The following MCU variants were observed in gnomAD, a reference collection of about 807,000 sequenced individuals.
MCU encodes mitochondrial calcium uniporter.
A neutral mutation model predicts 45.2 loss-of-function variants in MCU; 12 were observed. The observed-to-expected ratio is 0.27, with a 90% CI of 0.17 to 0.43. The LOEUF is 0.43. Among genes scored for constraint, MCU ranks in the 20% least tolerant of loss-of-function variants. The pLI is 1.00. For synonymous variants in MCU, 160 were observed against 165.1 expected, an observed-to-expected ratio of 0.97 and a Z score of 0.24; for missense variants, 324 against 436.7, an observed-to-expected ratio of 0.74 and a Z score of 2.30.
intron 1 of MCU, among the ~76,000 whole-genome samples, chr10:72,803,272 T>A (rs1844370139): frequency 6.6e-6 from 1 of 151,812 alleles, no homozygotes; most frequent in South Asian, 2.1e-4. Context: ...TCTCCTTGAA[T>A]TTTTCTTGTA....
At chr10:72,844,253 G>C (rs1247697534) in intron 2 of MCU, among the ~76,000 whole-genome samples, 2 of 152,162 alleles carry the variant, frequency 1.3e-5, no homozygotes, top group Non-Finnish European at 2.9e-5. Context: ...TGGGTGTGGT[G>C]GTGGGCACCT....
intron 1 of MCU, chr10:72,760,701 A>ATTTTTTT (rs995677860): frequency 8.1e-6 from 1 of 123,740 alleles, no homozygotes; most frequent in Non-Finnish European, 1.7e-5. Context: ...GGTTACTTAA[A>ATTTTTTT]TTTTTTTTTT....
intron 1 of MCU, chr10:72,693,214 CAG>C (rs1842647678): frequency 1.8e-5 from 15 of 842,124 alleles, no homozygotes; most frequent in East Asian, 5.4e-5. Flanking sequence ...GAGAGAGAGA[CAG>C]AGTGTGAGAG....
intron 1 of MCU, among the ~76,000 whole-genome samples, chr10:72,754,932 C>A (rs558456135): frequency 6.6e-6 from 1 of 152,312 alleles, no homozygotes; most frequent in East Asian, 1.9e-4. Flanking sequence ...AGCACTTCTA[C>A]AGAGTTATAA....
chr10:72,834,530 G>A lies in MCU; in HGVS notation c.220+102G>A, dbSNP rs548111926. ...AAAATTTATAAACCATACTCTTTCA[G>A]TTAAGGTGGGCTTAGGGGTCAGAGA... is the stretch of plus-strand genomic sequence containing the variant. On this transcript the variant is annotated intron_variant, in intron 2 of 7. Coordinates refer to ENST00000373053, the MANE Select transcript of MCU (RefSeq NM_138357.3). 23 of 941,662 alleles carry A rather than the reference G, an allele frequency of 2.4e-5. No individual in the cohort carries two copies. The East Asian group carries it at 5.3e-4, about 22-fold the overall frequency. 58.3% of individuals were successfully genotyped at this position (941,662 alleles called of 1,614,324 possible).
chr10:72,692,599 C>T (rs1842636962), intron 1 of MCU: 1 of 1,100,442 alleles, frequency 9.1e-7, no homozygotes, highest in African/African-American at 1.6e-5. Context: ...CGACTCGCCC[C>T]CAATCGCGTT....
intron 1 of MCU, among the ~76,000 whole-genome samples, chr10:72,729,979 GAC>G (rs1843150343): frequency 8.8e-6 from 1 of 113,294 alleles, no homozygotes; most frequent in Non-Finnish European, 1.7e-5. Context: ...TTTTTTTCGA[GAC>G]AGTGTCTGGC....
rs751154283 is a variant in MCU, at chr10:72,728,626, A to G, written c.150+36325A>G. On this transcript the variant is annotated intron_variant, in intron 1 of 7. Coordinates refer to ENST00000373053, the MANE Select transcript of MCU (RefSeq NM_138357.3). ...GATATTATATGGTCTTATACTTACA[A>G]CAGGAAAGAAGAGCAGGATAGCTAA... Among the ~76,000 whole-genome samples, 5 of 152,280 alleles carry G rather than the reference A, an allele frequency of 3.3e-5. No individual in the cohort carries two copies. The South Asian group carries it at 6.2e-4, about 19-fold the overall frequency.
chr10:72,737,709 G>A (rs1843270243), intron 1 of MCU, among the ~76,000 whole-genome samples: 1 of 151,854 alleles, frequency 6.6e-6, no homozygotes, highest in Admixed American at 6.6e-5. Flanking sequence ...TAGTAGAGAT[G>A]GGGTTTCACC....
chr10:72,788,718 A>G (rs1844114423), intron 1 of MCU, among the ~76,000 whole-genome samples: 1 of 152,246 alleles, frequency 6.6e-6, no homozygotes, highest in Non-Finnish European at 1.5e-5. Flanking sequence ...CACCACATCC[A>G]TATTTCTAAG....
intron 1 of MCU, among the ~76,000 whole-genome samples, chr10:72,742,981 ATGTGAGAGTG>A (rs1032569829): frequency 1.3e-5 from 2 of 152,024 alleles, no homozygotes; most frequent in African/African-American, 4.8e-5. Context: ...ATGTGAGAAC[ATGTGAGAGTG>A]TGTGAGAGAG....
chr10:72,876,926 T>TG (rs1845624516), intron 6 of MCU, among the ~76,000 whole-genome samples: 1 of 122,372 alleles, frequency 8.2e-6, no homozygotes, highest in African/African-American at 4.6e-5. Context: ...TCACAGTTTT[T>TG]TTTTTTTTTT....
chr10:72,882,728 G>A (rs1459018777), intron 6 of MCU, among the ~76,000 whole-genome samples: 5 of 152,066 alleles, frequency 3.3e-5, no homozygotes, highest in South Asian at 2.1e-4. Flanking sequence ...CTGTGATCTC[G>A]CCCTGCCTCC....
At chr10:72,713,648 C>A (rs1289681271) in intron 1 of MCU, among the ~76,000 whole-genome samples, 1 of 151,984 alleles carries the variant, frequency 6.6e-6, no homozygotes, top group Admixed American at 6.6e-5. Flanking sequence ...TGTGAAAGGG[C>A]CTTTTGTATT....
Position 72,800,065 on chromosome 10 carries a change from G to T in MCU, c.151-34294G>T, listed in dbSNP as rs151334834. Among the ~76,000 whole-genome samples the T allele has an allele frequency of 5.4e-4, 82 of 152,246 alleles. No homozygotes were observed. In the East Asian group the frequency reaches 0.015, roughly 28 times the overall value. ...ATGCCAAGTGGAACATTTCACACCT[G>T]ACCTCATGTAACATGCTGCAGTCAA... On this transcript the variant is annotated intron_variant, in intron 1 of 7. Transcript: ENST00000373053.
chr10:72,722,119 T>A (rs1283319724), intron 1 of MCU, among the ~76,000 whole-genome samples: 4 of 152,134 alleles, frequency 2.6e-5, no homozygotes, highest in South Asian at 2.1e-4. Flanking sequence ...TTATAGGGAA[T>A]TCTTGGTATA....
At chr10:72,859,543 C>T (rs1845345190) in intron 3 of MCU, among the ~76,000 whole-genome samples, 196 bp downstream of exon 3, 1 of 152,132 alleles carries the variant, frequency 6.6e-6, no homozygotes, top group African/African-American at 2.4e-5. Context: ...TATAATTGAT[C>T]GGTTTTAGCA....
chr10:72,821,902 A>C (rs1368093753), intron 1 of MCU, among the ~76,000 whole-genome samples: 1 of 152,186 alleles, frequency 6.6e-6, no homozygotes, highest in Admixed American at 6.5e-5. Flanking sequence ...CATACAGAGT[A>C]TGTTCTCTAA....
intron 1 of MCU, among the ~76,000 whole-genome samples, chr10:72,788,587 A>T (rs1203204665): frequency 6.6e-6 from 1 of 152,172 alleles, no homozygotes; most frequent in Non-Finnish European, 1.5e-5. Flanking sequence ...ATGATGCACC[A>T]CTGCACTCCA....
Sources: gnomAD v4.1 joint callset for allele counts (sites outside exome capture counted in the v4.1 genomes callset) on GRCh38, gnomAD v4.1.1 for gene constraint, MANE v1.5 for transcripts, NCBI Gene and HGNC (gene_info 2026-07-23, HGNC 2026-07-21) for gene names.